Variants in TMEM132D observed in about 807,000 individuals in gnomAD.
The protein encoded by TMEM132D is transmembrane protein 132D.
TMEM132D carries 21 observed loss-of-function variants against 62.3 expected under a neutral mutation model. That is an observed-to-expected ratio of 0.34 (90% CI 0.24 to 0.49). The LOEUF is 0.49. Among genes scored for constraint, TMEM132D ranks in the 20% least tolerant of loss-of-function variants. TMEM132D has a pLI of 0.99. For synonymous variants in TMEM132D, 621 were observed against 575.6 expected (o/e 1.08, Z -1.13); for missense variants, 1,346 against 1,402.8 (o/e 0.96, Z 0.65).
chr12:129,453,065 T>C (rs12313477), intron 3 of TMEM132D, among the ~76,000 whole-genome samples: 22,871 of 152,148 alleles, frequency 0.15, 1,901 homozygotes, highest in African/African-American at 0.21. Context: ...TAGATTCTCA[T>C]AGGAGCACAA....
At chr12:129,812,003 C>T (rs1443228391) in intron 1 of TMEM132D, among the ~76,000 whole-genome samples, 1 of 151,780 alleles carries the variant, frequency 6.6e-6, no homozygotes, top group Non-Finnish European at 1.5e-5. Context: ...CCCAGCTGAG[C>T]CCACCTGGAC....
At chr12:129,573,774 A>T (rs1055144656) in intron 2 of TMEM132D, among the ~76,000 whole-genome samples, 1 of 149,714 alleles carries the variant, frequency 6.7e-6, no homozygotes, top group African/African-American at 2.6e-5. Context: ...GAAAGATAAC[A>T]GTGTCTTCCA....
At chr12:129,106,548 TA>T (rs1344266375) in intron 5 of TMEM132D, among the ~76,000 whole-genome samples, 6 of 152,170 alleles carry the variant, frequency 3.9e-5, no homozygotes, top group Non-Finnish European at 8.8e-5. Flanking sequence ...CTCTGATGAA[TA>T]CAATGGAAAC....
intron 5 of TMEM132D, among the ~76,000 whole-genome samples, chr12:129,118,465 C>A (rs887092792): frequency 6.6e-6 from 1 of 152,232 alleles, no homozygotes; most frequent in Non-Finnish European, 1.5e-5. Context: ...GTGTGTCCAT[C>A]TTTCACTGTG....
intron 8 of TMEM132D, among the ~76,000 whole-genome samples, chr12:129,076,405 ATTT>A (rs111911244): frequency 6.6e-6 from 1 of 151,410 alleles, no homozygotes; most frequent in Non-Finnish European, 1.5e-5. Flanking sequence ...GCTTGAGTGG[ATTT>A]TTTTTTCTCT....
At chr12:129,473,318 G>GTTTTTTTTTTTTTTTTTT (rs1441231858) in intron 3 of TMEM132D, among the ~76,000 whole-genome samples, 1 of 57,760 alleles carries the variant, frequency 1.7e-5, no homozygotes, top group Non-Finnish European at 3.4e-5. Flanking sequence ...AGTGATTTTA[G>GTTTTTTTTTTTTTTTTTT]TTTTTGTTTT....
At chr12:129,354,418 G>T (rs901940197) in intron 3 of TMEM132D, among the ~76,000 whole-genome samples, 1 of 151,768 alleles carries the variant, frequency 6.6e-6, no homozygotes, top group African/African-American at 2.4e-5. Context: ...CCACCTCCTG[G>T]GTTCAAGCAA....
intron 5 of TMEM132D, among the ~76,000 whole-genome samples, chr12:129,163,478 GGGTTTGGCCACT>G (rs1877455452): frequency 6.6e-6 from 1 of 152,180 alleles, no homozygotes; most frequent in Non-Finnish European, 1.5e-5. Flanking sequence ...ATCTGGGGTT[GGGTTTGGCCACT>G]GGAAGGCATT....
At chr12:129,515,494 G>T (rs191260872) in intron 3 of TMEM132D, among the ~76,000 whole-genome samples, 1 of 152,154 alleles carries the variant, frequency 6.6e-6, no homozygotes, top group Admixed American at 6.5e-5. Context: ...TGATCCTAGG[G>T]CCCAGAACAT....
chr12:129,330,993 A>T (rs1270700673), intron 4 of TMEM132D, among the ~76,000 whole-genome samples: 2 of 152,114 alleles, frequency 1.3e-5, no homozygotes, highest in African/African-American at 4.8e-5. Context: ...ACAGTGTCAG[A>T]ATCCTCCGAC....
chr12:129,535,422 T>C (rs983684123), intron 2 of TMEM132D, among the ~76,000 whole-genome samples: 2 of 152,164 alleles, frequency 1.3e-5, no homozygotes, highest in African/African-American at 4.8e-5. Flanking sequence ...AGGATTTGCA[T>C]CTCCCTCCAC....
chr12:129,219,480 G>A (rs1481809364), intron 4 of TMEM132D, among the ~76,000 whole-genome samples: 2 of 152,180 alleles, frequency 1.3e-5, no homozygotes, highest in African/African-American at 4.8e-5. Flanking sequence ...CAACTGCCCA[G>A]CACGAACGAG....
intron 1 of TMEM132D, among the ~76,000 whole-genome samples, chr12:129,782,996 G>T (rs770774071): frequency 7.2e-5 from 11 of 152,206 alleles, no homozygotes; most frequent in Non-Finnish European, 1.3e-4. Context: ...TCTTGTTTGT[G>T]TCTGTTATTT....
intron 1 of TMEM132D, among the ~76,000 whole-genome samples, chr12:129,747,755 CCAGA>C (rs765721510): frequency 8.1e-5 from 12 of 147,928 alleles, no homozygotes; most frequent in South Asian, 2.2e-4. Context: ...ACACACACAT[CCAGA>C]CACACACACA....
In TMEM132D at chr12:129,572,921, T is replaced by C. The variant is rs545372259; in HGVS notation, c.969-41716A>G. On this transcript the variant is annotated intron_variant, in intron 2 of 8. Coordinates refer to ENST00000422113, the MANE Select transcript of TMEM132D (RefSeq NM_133448.3). ...ATTAAATTAATTTTGTAAATGTTTC[T>C]TAGAATGCGACTTCTATACTTCATT... 9.4e-4 allele frequency among the ~76,000 whole-genome samples: 143 copies of C among 152,320 alleles called. 1 individual carries two copies. The highest frequency in any genetic ancestry group is 3.1e-3 in the African/African-American group (128 of 41,566).
intron 1 of TMEM132D, among the ~76,000 whole-genome samples, chr12:129,830,380 C>A (rs1872793034): frequency 6.6e-6 from 1 of 152,090 alleles, no homozygotes; most frequent in Admixed American, 6.5e-5. Context: ...TGAGAACTGC[C>A]CAGGACAAAC....
At chr12:129,224,993 T>C (rs1002309899) in intron 4 of TMEM132D, among the ~76,000 whole-genome samples, 1 of 152,174 alleles carries the variant, frequency 6.6e-6, no homozygotes, top group Non-Finnish European at 1.5e-5. Flanking sequence ...ATAAAATAAA[T>C]ACGGAAACAG....
Position 129,481,083 on chromosome 12 carries a change from G to A in TMEM132D, c.1115+49976C>T, listed in dbSNP as rs938068830. On this transcript the variant is annotated intron_variant, in intron 3 of 8. Transcript: ENST00000422113. ...GCACAGGGCCACATGAGAAAAGGAG[G>A]AAACAGAACAAGGTCCAAGGTGCCT... 2.0e-5 allele frequency among the ~76,000 whole-genome samples: 3 copies of A among 151,942 alleles called. No homozygotes were observed. In the South Asian group the frequency reaches 6.2e-4, roughly 31 times the overall value.
intron 3 of TMEM132D, among the ~76,000 whole-genome samples, chr12:129,408,835 C>T (rs1593368465): frequency 1.3e-5 from 2 of 152,326 alleles, no homozygotes; most frequent in African/African-American, 4.8e-5. Context: ...TATTTATCTA[C>T]CACACTTAGG....
Sources: gnomAD v4.1 joint callset for allele counts (sites outside exome capture counted in the v4.1 genomes callset) on GRCh38, gnomAD v4.1.1 for gene constraint, MANE v1.5 for transcripts, NCBI Gene and HGNC (gene_info 2026-07-23, HGNC 2026-07-21) for gene names.